TMEM232: variants seen among roughly 807,000 people sequenced by gnomAD.
TMEM232 encodes the protein transmembrane protein 232.
Under a neutral mutation model 78.8 loss-of-function variants are expected in TMEM232, and 80 were observed. That is an observed-to-expected ratio of 1.01 (90% CI 0.85 to 1.22). The LOEUF (loss-of-function observed/expected upper bound fraction) is 1.22. Among genes scored for constraint, TMEM232 ranks in the 50% most tolerant of loss-of-function variants. TMEM232 has a pLI of 0.00. For missense variants in TMEM232, 881 were observed against 742.2 expected, an observed-to-expected ratio of 1.19 and a Z score of -2.17; for synonymous variants, 297 against 254.3, an observed-to-expected ratio of 1.17 and a Z score of -1.60.
chr5:110,561,122 A>C lies in TMEM232; in HGVS notation c.1455+7325T>G, dbSNP rs145053344. ...TAACAATCCTTTTTATATTCTTGTT[A>C]CCCTTATTAATATTCATTTTTTGCT... is the stretch of plus-strand genomic sequence containing the variant. On this transcript the variant is annotated intron_variant, in intron 11 of 13. Coordinates refer to ENST00000455884, the MANE Select transcript of TMEM232 (RefSeq NM_001039763.4). Among the ~76,000 whole-genome samples the C allele has an allele frequency of 6.6e-3, 1,010 of 152,208 alleles. 21 individuals carry two copies. The highest frequency in any genetic ancestry group is 0.022 in the African/African-American group (934 of 41,566).
chr5:110,639,374 G>T (rs1285051137), intron 4 of TMEM232, among the ~76,000 whole-genome samples: 2 of 152,214 alleles, frequency 1.3e-5, no homozygotes, highest in Admixed American at 6.5e-5. Flanking sequence ...TCTGCTGTAT[G>T]TAACAGAAAA....
chr5:110,670,930 G>T (rs1160168570), intron 1 of TMEM232, among the ~76,000 whole-genome samples: 1 of 151,938 alleles, frequency 6.6e-6, no homozygotes, highest in Non-Finnish European at 1.5e-5. Flanking sequence ...AATAAATGTT[G>T]CAAATTTGAC....
intron 2 of TMEM232, among the ~76,000 whole-genome samples, chr5:110,401,788 T>C (rs910696906): frequency 2.0e-5 from 3 of 152,092 alleles, no homozygotes; most frequent in Non-Finnish European, 4.4e-5. Flanking sequence ...ATACATTTAA[T>C]AAAAACATTA....
At position 110,705,137 on chromosome 5, in the gene TMEM232, T is replaced by C. The variant is rs373561552; in HGVS notation, c.-13+21490A>G. On this transcript the variant is annotated intron_variant, in intron 1 of 13. Transcript: ENST00000455884. ...TCACCTGAACTTGGAACACCCAACA[T>C]TTTGGGTTGTCAACCTGTACCCAAA... Among the ~76,000 whole-genome samples, 13 of 152,252 alleles carry C rather than the reference T, an allele frequency of 8.5e-5. No individual in the cohort carries two copies. The East Asian group carries it at 2.3e-3, about 27-fold the overall frequency.
intron 2 of TMEM232, among the ~76,000 whole-genome samples, chr5:110,399,190 T>A (rs570086841): frequency 1.3e-5 from 2 of 152,174 alleles, no homozygotes; most frequent in South Asian, 4.1e-4. Flanking sequence ...GAAGTAAACT[T>A]TTTTTGACAG....
chr5:110,435,469 TTG>T (rs1441023254), intron 12 of TMEM232, among the ~76,000 whole-genome samples: 1 of 151,770 alleles, frequency 6.6e-6, no homozygotes, highest in Non-Finnish European at 1.5e-5. Flanking sequence ...ATTCCTTGGA[TTG>T]TGTTAACAAT....
At chr5:110,503,517 G>C (rs1216342284) in intron 12 of TMEM232, among the ~76,000 whole-genome samples, 1 of 152,072 alleles carries the variant, frequency 6.6e-6, no homozygotes, top group Non-Finnish European at 1.5e-5. Context: ...CCGAAGGGAA[G>C]ATCAGGGTGC....
At chr5:110,666,246 C>T (rs1250110330) in intron 2 of TMEM232, among the ~76,000 whole-genome samples, 1 of 152,092 alleles carries the variant, frequency 6.6e-6, no homozygotes, top group Non-Finnish European at 1.5e-5. Context: ...AAAGATTATA[C>T]TCCATTCTTG....
At chr5:110,562,041 T>C (rs1775809451) in intron 11 of TMEM232, among the ~76,000 whole-genome samples, 1 of 152,032 alleles carries the variant, frequency 6.6e-6, no homozygotes, top group African/African-American at 2.4e-5. Flanking sequence ...ACTGAATAAA[T>C]TGGAAATAAT....
chr5:110,429,722 T>TTA (rs1757621745), intron 12 of TMEM232, among the ~76,000 whole-genome samples: 2 of 151,944 alleles, frequency 1.3e-5, no homozygotes, highest in South Asian at 4.1e-4. Context: ...TCTTCCCCCC[T>TTA]TATCCCACTT....
intron 10 of TMEM232, among the ~76,000 whole-genome samples, chr5:110,588,831 T>A (rs1380135285): frequency 6.6e-6 from 1 of 152,150 alleles, no homozygotes; most frequent in Non-Finnish European, 1.5e-5. Context: ...AGATGAGTGC[T>A]GTATGATTGA....
intron 3 of TMEM232, among the ~76,000 whole-genome samples, chr5:110,391,326 T>TGTGAGAGAGAGAGAGAGAGA (rs549361387): frequency 7.2e-6 from 1 of 139,814 alleles, no homozygotes; most frequent in Admixed American, 7.2e-5. Flanking sequence ...TGTGTGTGTG[T>TGTGAGAGAGAGAGAGAGAGA]GAGAGAGAGA....
At chr5:110,615,339 T>C (rs1782792775) in intron 8 of TMEM232, among the ~76,000 whole-genome samples, 1 of 151,938 alleles carries the variant, frequency 6.6e-6, no homozygotes, top group African/African-American at 2.4e-5. Context: ...ATTAAATAAA[T>C]ATATGTGGCA....
intron 12 of TMEM232, among the ~76,000 whole-genome samples, chr5:110,485,787 A>T (rs761454144): frequency 2.0e-5 from 3 of 152,112 alleles, no homozygotes; most frequent in Non-Finnish European, 4.4e-5. Flanking sequence ...TGCGTGTGCA[A>T]GTATCTTTTT....
At chr5:110,464,041 C>T (rs547561385) in intron 12 of TMEM232, among the ~76,000 whole-genome samples, 5 of 152,188 alleles carry the variant, frequency 3.3e-5, no homozygotes, top group East Asian at 1.9e-4. Flanking sequence ...CTCTGAGAGG[C>T]CTTTCCTGAC....
At chr5:110,711,033 A>G (rs1457489933) in intron 1 of TMEM232, among the ~76,000 whole-genome samples, 1 of 152,216 alleles carries the variant, frequency 6.6e-6, no homozygotes, top group East Asian at 1.9e-4. Flanking sequence ...CTTCACCAAA[A>G]AACGATTAGA....
chr5:110,599,059 GCCAAA>G (rs1408272813), intron 10 of TMEM232, among the ~76,000 whole-genome samples: 1 of 151,742 alleles, frequency 6.6e-6, no homozygotes, highest in African/African-American at 2.4e-5. Context: ...TTCATATCAA[GCCAAA>G]CTAATTTGCT....
Position 110,638,320 on chromosome 5 carries a change from C to T in TMEM232, c.379G>A (p.Ala127Thr). The T allele has an allele frequency of 6.4e-7, 1 of 1,550,580 alleles. No individual in the cohort carries two copies. The highest frequency in any genetic ancestry group is 8.7e-7 in the Non-Finnish European group (1 of 1,146,366). Residue 127 changes from alanine to threonine, a missense_variant, in exon 5 of 14, where the codon GCT (alanine) becomes ACT (threonine). Transcript: ENST00000455884. ...GGCAGATGATCATAATCAAAGGAAG[C>T]ATGGTCCAGAGATGCATAAAGCATA... is the stretch of plus-strand genomic sequence containing the variant. The part of the protein sequence containing the change: ...LNMLYASLDH[A>T]SFDYDHLPAL...
At chr5:110,508,814 A>C (rs1767279227) in intron 12 of TMEM232, among the ~76,000 whole-genome samples, 1 of 147,828 alleles carries the variant, frequency 6.8e-6, no homozygotes, top group Non-Finnish European at 1.5e-5. Context: ...CTGATTGAGG[A>C]AATACACAAT....
Sources: gnomAD v4.1 joint callset for allele counts (sites outside exome capture counted in the v4.1 genomes callset) on GRCh38, gnomAD v4.1.1 for gene constraint, MANE v1.5 for transcripts, NCBI Gene and HGNC (gene_info 2026-07-23, HGNC 2026-07-21) for gene names.